COL4A6: variants seen among roughly 807,000 people sequenced by gnomAD.
COL4A6 encodes collagen type IV alpha 6 chain, also known as collagen alpha-6(IV) chain.
COL4A6 carries 59 observed loss-of-function variants against 126.7 expected under a neutral mutation model. The observed-to-expected ratio is 0.47, with a 90% CI of 0.38 to 0.58. The LOEUF (loss-of-function observed/expected upper bound fraction) is 0.58, where lower values mean the gene tolerates loss of function less well. Among genes scored for constraint, COL4A6 ranks in the 20% least tolerant of loss-of-function variants. COL4A6 has a pLI of 0.00. For synonymous variants in COL4A6, 547 were observed against 496.6 expected (o/e 1.10, Z -1.35); for missense variants, 1,285 against 1,337.3 (o/e 0.96, Z 0.61).
intron 2 of COL4A6, among the ~76,000 whole-genome samples, chrX:108,427,962 A>G (rs777738299): frequency 5.4e-5 from 6 of 111,655 alleles, no homozygotes; most frequent in African/African-American, 2.0e-4. Flanking sequence ...ATATATGATA[A>G]AGTGCTTTGT....
intron 37 of COL4A6, among the ~76,000 whole-genome samples, chrX:108,165,745 G>T (rs968700869): frequency 8.0e-5 from 9 of 112,216 alleles, no homozygotes; most frequent in African/African-American, 2.9e-4. Flanking sequence ...TACCTCACTG[G>T]TAATGGAAAT....
intron 3 of COL4A6, among the ~76,000 whole-genome samples, chrX:108,241,281 G>A (rs2036565695): frequency 9.1e-6 from 1 of 109,838 alleles, no homozygotes; most frequent in Non-Finnish European, 1.9e-5. Context: ...GCTCAGAAAA[G>A]CTTATGAAGT....
At chrX:108,159,433 C>A (rs199510156) in intron 44 of COL4A6, 29 bp downstream of exon 44, 1 of 1,207,278 alleles carries the variant, frequency 8.3e-7, no homozygotes, top group East Asian at 3.0e-5. Flanking sequence ...TTGCCTCCAA[C>A]TGGGGGAGGA....
chrX:108,207,140 T>C (rs2035568037), intron 8 of COL4A6, among the ~76,000 whole-genome samples: 3 of 112,052 alleles, frequency 2.7e-5, no homozygotes, highest in African/African-American at 9.7e-5. Context: ...CAAACAAATA[T>C]TGAAGTCTAA....
chrX:108,309,925 T>A (rs2038722324), intron 3 of COL4A6, among the ~76,000 whole-genome samples: 1 of 110,257 alleles, frequency 9.1e-6, no homozygotes, highest in Admixed American at 9.7e-5. Context: ...GTCACATCAG[T>A]ACTCAGGAAA....
chrX:108,406,058 C>G (rs948590079), intron 2 of COL4A6, among the ~76,000 whole-genome samples: 27 of 111,388 alleles, frequency 2.4e-4, no homozygotes, highest in Admixed American at 2.2e-3. Context: ...GCCTTGACGT[C>G]CTGGGCTCAA....
Position 108,205,660 on chromosome X carries a change from A to C in COL4A6, c.645T>G (p.Asp215Glu), listed in dbSNP as rs753972832. The C allele has an allele frequency of 4.1e-5, 50 of 1,206,433 alleles. 2 individuals carry two copies. The South Asian group carries it at 8.2e-4, about 20-fold the overall frequency. ...ATGCCCTAAGACAAAGTATACTTAC[A>C]TCAGGACCAAGAGGACCAGGAGGCC... is the stretch of plus-strand genomic sequence containing the variant. ...PPGPPGPLGP[D>E]GNMGLGFQGE... The change falls in exon 10 of 45, where the codon GAT becomes GAG. Residue 215 changes from aspartate (D) to glutamate (E), a missense_variant and splice_region_variant. Coordinates refer to ENST00000334504, the MANE Select transcript of COL4A6 (RefSeq NM_033641.4).
chrX:108,250,556 T>G (rs1230755608), intron 3 of COL4A6, among the ~76,000 whole-genome samples: 1 of 110,273 alleles, frequency 9.1e-6, no homozygotes, highest in Non-Finnish European at 1.9e-5. Context: ...CCTTCAAATC[T>G]GCTCAATCTC....
chrX:108,341,877 T>C (rs1158425163), intron 2 of COL4A6, among the ~76,000 whole-genome samples: 1 of 112,121 alleles, frequency 8.9e-6, no homozygotes, highest in East Asian at 2.8e-4. Context: ...ACACATTAGA[T>C]AAGACTAAAG....
At chrX:108,313,807 A>G (rs2038818134) in intron 2 of COL4A6, among the ~76,000 whole-genome samples, 1 of 112,344 alleles carries the variant, frequency 8.9e-6, no homozygotes, top group African/African-American at 3.2e-5. Context: ...AGCTCTATAG[A>G]GAATTATTAT....
chrX:108,166,190 G>A (rs2034124063), intron 37 of COL4A6, among the ~76,000 whole-genome samples: 1 of 112,369 alleles, frequency 8.9e-6, no homozygotes, highest in South Asian at 3.7e-4. Context: ...TTTTAATACT[G>A]CTTTACATGT....
intron 2 of COL4A6, among the ~76,000 whole-genome samples, chrX:108,338,963 G>A (rs891848037): frequency 9.0e-6 from 1 of 111,545 alleles, no homozygotes; most frequent in African/African-American, 3.3e-5. Flanking sequence ...GCTTGACTCA[G>A]GCACTTTAAA....
At chrX:108,282,555 T>G (rs140056196) in intron 3 of COL4A6, among the ~76,000 whole-genome samples, 3,435 of 111,041 alleles carry the variant, frequency 0.031, 71 homozygotes, top group Middle Eastern at 0.083. Context: ...GGTGGGACTG[T>G]AAACTAGTTC....
chrX:108,384,739 T>C (rs1050076245), intron 2 of COL4A6, among the ~76,000 whole-genome samples: 1 of 112,099 alleles, frequency 8.9e-6, no homozygotes, highest in African/African-American at 3.2e-5. Flanking sequence ...AACGTAAATG[T>C]CGACTCTCAA....
intron 2 of COL4A6, among the ~76,000 whole-genome samples, chrX:108,317,074 AG>A (rs1838862881): frequency 8.9e-6 from 1 of 112,509 alleles, no homozygotes; most frequent in South Asian, 3.7e-4. Context: ...GCCACCTAGG[AG>A]GCTGTTGCGG....
At chrX:108,238,056 A>G (rs1357945585) in intron 3 of COL4A6, among the ~76,000 whole-genome samples, 1 of 102,213 alleles carries the variant, frequency 9.8e-6, no homozygotes, top group East Asian at 3.1e-4. Context: ...CTATCTATCT[A>G]TCTATCTATC....
chrX:108,318,039 T>A (rs2038927804), intron 2 of COL4A6, among the ~76,000 whole-genome samples: 1 of 111,974 alleles, frequency 8.9e-6, no homozygotes, highest in Admixed American at 9.5e-5. Flanking sequence ...TCAAGAGGGC[T>A]TCATCCCTGG....
intron 3 of COL4A6, among the ~76,000 whole-genome samples, chrX:108,270,332 G>A (rs1388248033): frequency 1.8e-5 from 2 of 112,764 alleles, no homozygotes; most frequent in African/African-American, 6.4e-5. Flanking sequence ...TGCTTTAGCA[G>A]ATAGGATGAT....
intron 3 of COL4A6, among the ~76,000 whole-genome samples, chrX:108,250,169 A>T (rs923528073): frequency 9.0e-6 from 1 of 111,245 alleles, no homozygotes; most frequent in South Asian, 3.9e-4. Context: ...ATTTCTAAAC[A>T]ATTTCCAATT....
Sources: gnomAD v4.1 joint callset for allele counts (sites outside exome capture counted in the v4.1 genomes callset) on GRCh38, gnomAD v4.1.1 for gene constraint, MANE v1.5 for transcripts, NCBI Gene and HGNC (gene_info 2026-07-23, HGNC 2026-07-21) for gene names.